MPP7: variants seen among roughly 807,000 people sequenced by gnomAD.
The protein encoded by MPP7 is MAGUK p55 scaffold protein 7.
In MPP7, 60 loss-of-function variants were observed where a neutral mutation model predicts 76.5. The ratio of observed to expected loss-of-function variants is 0.78; its 90% CI spans 0.64 to 0.97. The LOEUF (loss-of-function observed/expected upper bound fraction) is 0.97. Ranked by LOEUF, MPP7 falls within the 50% of genes least tolerant of loss-of-function variation. The probability of loss-of-function intolerance (pLI) is 0.00; values close to 1 mark genes in which losing one functional copy is unlikely to be tolerated. For missense variants in MPP7, 641 were observed against 694.0 expected (o/e 0.92, Z 0.86); for synonymous variants, 237 against 244.5 (o/e 0.97, Z 0.29).
intron 4 of MPP7, among the ~76,000 whole-genome samples, chr10:28,148,739 T>C (rs1835787810): frequency 6.6e-6 from 1 of 152,164 alleles, no homozygotes; most frequent in Non-Finnish European, 1.5e-5. Context: ...CTCTGACAAA[T>C]TATAAGATAC....
At chr10:28,237,361 G>A (rs1386223346) in intron 2 of MPP7, among the ~76,000 whole-genome samples, 1 of 152,018 alleles carries the variant, frequency 6.6e-6, no homozygotes, top group African/African-American at 2.4e-5. Context: ...ATTTCCAAAG[G>A]GTCTGGCTTC....
chr10:28,118,915 T>G, intron 11 of MPP7: 1 of 985,406 alleles, frequency 1.0e-6, no homozygotes, highest in Non-Finnish European at 1.2e-6. Context: ...ATGTACAGTT[T>G]CTATGCTAAA....
chr10:28,291,346 CT>C (rs1195593616), intron 1 of MPP7, among the ~76,000 whole-genome samples: 1 of 152,230 alleles, frequency 6.6e-6, no homozygotes, highest in Non-Finnish European at 1.5e-5. Context: ...TGGCTCACGC[CT>C]GTAATCCCAG....
At chr10:28,069,475 G>A (rs1239623392) in intron 13 of MPP7, among the ~76,000 whole-genome samples, 7 of 151,904 alleles carry the variant, frequency 4.6e-5, no homozygotes, top group Non-Finnish European at 5.9e-5. Context: ...GTGGTGGCAC[G>A]TGCCTGTACT....
chr10:28,234,711 G>C (rs979471980), intron 2 of MPP7, among the ~76,000 whole-genome samples: 1 of 152,180 alleles, frequency 6.6e-6, no homozygotes, highest in African/African-American at 2.4e-5. Context: ...TTCCAGGAGA[G>C]GGGAATCCTT....
chr10:28,089,201 C>T (rs937948479), intron 12 of MPP7, among the ~76,000 whole-genome samples: 13 of 152,152 alleles, frequency 8.5e-5, no homozygotes, highest in Non-Finnish European at 1.6e-4. Flanking sequence ...GTGTGAGCCA[C>T]GGCACCCAGC....
chr10:28,119,150 T>A, intron 11 of MPP7: 1 of 761,224 alleles, frequency 1.3e-6, no homozygotes, highest in Non-Finnish European at 1.6e-6. Context: ...CATTTTCTTT[T>A]AATCTAGTCT....
chr10:28,279,283 C>T (rs1840596513), intron 1 of MPP7, among the ~76,000 whole-genome samples: 1 of 152,030 alleles, frequency 6.6e-6, no homozygotes, highest in Non-Finnish European at 1.5e-5. Flanking sequence ...CTTCCTAACC[C>T]TTAATTCTCC....
intron 6 of MPP7, among the ~76,000 whole-genome samples, chr10:28,127,427 A>G (rs1588817406): frequency 6.6e-6 from 1 of 152,246 alleles, no homozygotes; most frequent in East Asian, 1.9e-4. Context: ...TAATAAAGAC[A>G]TGCCTGAGAC....
rs1834701055 is a variant in MPP7 at position 28,117,611 on chromosome 10, A to G, written c.952+2040T>C. 2.6e-5 allele frequency among the ~76,000 whole-genome samples: 4 copies of G among 152,118 alleles called. No individual in the cohort carries two copies. In the South Asian group the frequency reaches 8.3e-4, roughly 31 times the overall value. Reference sequence around the variant, plus strand: ...ACAAGTTTTAGTTTGGTAAAGAATCATCATCAAAACATAGGTTAAAGTGTT... The same window carrying G: ...ACAAGTTTTAGTTTGGTAAAGAATCGTCATCAAAACATAGGTTAAAGTGTT... On this transcript the variant is annotated intron_variant, in intron 11 of 16. Coordinates refer to ENST00000683449, the MANE Select transcript of MPP7 (RefSeq NM_001318170.2).
intron 13 of MPP7, among the ~76,000 whole-genome samples, chr10:28,060,119 T>C (rs910352566): frequency 1.3e-5 from 2 of 152,114 alleles, no homozygotes; most frequent in African/African-American, 4.8e-5. Context: ...GCAAATCTAT[T>C]AACCACTAAG....
intron 11 of MPP7, chr10:28,119,075 A>T: frequency 7.1e-6 from 7 of 985,280 alleles, no homozygotes; most frequent in Non-Finnish European, 7.2e-6. Flanking sequence ...AAAGAGAAAA[A>T]AAAGTATTTA....
At chr10:28,198,567 T>C (rs1837664414) in intron 3 of MPP7, among the ~76,000 whole-genome samples, 1 of 141,798 alleles carries the variant, frequency 7.1e-6, no homozygotes, top group Non-Finnish European at 1.5e-5. Flanking sequence ...AGAGCAAAAC[T>C]CTGTCTCAGA....
At chr10:28,126,345 A>G (rs1415637164) in intron 6 of MPP7, among the ~76,000 whole-genome samples, 1 of 152,334 alleles carries the variant, frequency 6.6e-6, no homozygotes, top group Admixed American at 6.5e-5. Context: ...CAATATAACT[A>G]ATTAGTTTGA....
intron 11 of MPP7, among the ~76,000 whole-genome samples, chr10:28,091,767 G>A (rs985289435): frequency 6.6e-6 from 1 of 152,122 alleles, no homozygotes; most frequent in Non-Finnish European, 1.5e-5. Flanking sequence ...CATGTATTGA[G>A]TGTTATTTCA....
intron 3 of MPP7, among the ~76,000 whole-genome samples, chr10:28,194,015 TG>T (rs1314534447): frequency 1.3e-5 from 2 of 152,186 alleles, no homozygotes; most frequent in Non-Finnish European, 1.5e-5. Context: ...TTTGTTTGTT[TG>T]TTTTTGAAAT....
At chr10:28,325,362 CA>C (rs1834401433) in intron 2 of MPP7, among the ~76,000 whole-genome samples, 2 of 152,182 alleles carry the variant, frequency 1.3e-5, no homozygotes, top group African/African-American at 4.8e-5. Flanking sequence ...ATATTAAGAA[CA>C]TTTTTGGCCA....
At chr10:28,328,524 GA>G (rs1215238539) in intron 2 of MPP7, among the ~76,000 whole-genome samples, 4 of 150,136 alleles carry the variant, frequency 2.7e-5, no homozygotes, top group African/African-American at 9.8e-5. Context: ...TAAGAGGGAG[GA>G]AAAAAGTGCT....
chr10:28,209,674 C>T (rs1470836967), intron 2 of MPP7, among the ~76,000 whole-genome samples: 7 of 152,150 alleles, frequency 4.6e-5, no homozygotes. Context: ...CAATGTTTGC[C>T]TGTCTTAACA....
Sources: allele counts gnomAD v4.1 joint callset (sites outside exome capture counted in the v4.1 genomes callset), GRCh38; gene constraint gnomAD v4.1.1; transcripts MANE v1.5; gene names NCBI Gene and HGNC (gene_info 2026-07-23, HGNC 2026-07-21).